CSMD3: variants seen among roughly 807,000 people sequenced by gnomAD.
The protein encoded by CSMD3 is CUB and Sushi multiple domains 3.
A neutral mutation model predicts 435.2 loss-of-function variants in CSMD3; 177 were observed. The observed-to-expected ratio is 0.41, with a 90% CI of 0.36 to 0.46. The LOEUF (loss-of-function observed/expected upper bound fraction) is 0.46. Among genes scored for constraint, CSMD3 ranks in the 20% least tolerant of loss-of-function variants. CSMD3 has a pLI of 0.34. For missense variants in CSMD3, 4,265 were observed against 4,504.6 expected, an observed-to-expected ratio of 0.95 and a Z score of 1.52; for synonymous variants, 1,656 against 1,520.5, an observed-to-expected ratio of 1.09 and a Z score of -2.07.
chr8:112,827,134 C>T (rs1405498928), intron 12 of CSMD3, among the ~76,000 whole-genome samples: 1 of 119,180 alleles, frequency 8.4e-6, no homozygotes, highest in Non-Finnish European at 1.6e-5. Flanking sequence ...ATTTTGACAT[C>T]TTTCTTCTGT....
chr8:113,097,865 G>A (rs973116108), intron 5 of CSMD3, among the ~76,000 whole-genome samples: 1 of 151,742 alleles, frequency 6.6e-6, no homozygotes, highest in Non-Finnish European at 1.5e-5. Context: ...TCACCCCCCA[G>A]TCCATTACAA....
chr8:112,355,692 G>C (rs1826528878), intron 38 of CSMD3, among the ~76,000 whole-genome samples: 1 of 152,062 alleles, frequency 6.6e-6, no homozygotes, highest in African/African-American at 2.4e-5. Context: ...AATTAGCCAG[G>C]CGTGGTGGCA....
chr8:112,798,187 A>G (rs1159556658), intron 13 of CSMD3, among the ~76,000 whole-genome samples: 1 of 151,932 alleles, frequency 6.6e-6, no homozygotes, highest in Non-Finnish European at 1.5e-5. Context: ...AATTAAAAAC[A>G]GTGATTCAGG....
chr8:113,374,696 A>T (rs2094367511), intron 1 of CSMD3, among the ~76,000 whole-genome samples: 2 of 151,952 alleles, frequency 1.3e-5, no homozygotes. Flanking sequence ...AGGGCATTTG[A>T]AAGCATTCCT....
intron 13 of CSMD3, among the ~76,000 whole-genome samples, chr8:112,744,836 C>T (rs926273043): frequency 1.3e-5 from 2 of 152,074 alleles, no homozygotes; most frequent in Non-Finnish European, 2.9e-5. Flanking sequence ...AGATGTGTTG[C>T]AGGTAACCTG....
intron 38 of CSMD3, among the ~76,000 whole-genome samples, chr8:112,354,077 T>C (rs1383446966): frequency 1.3e-5 from 2 of 152,062 alleles, no homozygotes; most frequent in African/African-American, 4.8e-5. Flanking sequence ...ACCATGTAAA[T>C]AGAATTAAAA....
intron 13 of CSMD3, among the ~76,000 whole-genome samples, chr8:112,765,320 G>C (rs1043727151): frequency 2.0e-5 from 3 of 151,554 alleles, no homozygotes; most frequent in Non-Finnish European, 4.4e-5. Flanking sequence ...ATTTGGATTT[G>C]AGAAATACGG....
At chr8:112,895,933 G>T (rs1242977827) in intron 10 of CSMD3, among the ~76,000 whole-genome samples, 2 of 151,332 alleles carry the variant, frequency 1.3e-5, no homozygotes, top group African/African-American at 4.8e-5. Context: ...TTGTTTGTTT[G>T]TTTTTTCCAA....
intron 7 of CSMD3, among the ~76,000 whole-genome samples, chr8:112,961,655 T>C (rs1037458097): frequency 6.6e-6 from 1 of 151,996 alleles, no homozygotes; most frequent in African/African-American, 2.4e-5. Flanking sequence ...ACTAATTTGT[T>C]AATTTTCATA....
Position 113,436,711 on chromosome 8 carries a change from G to T in CSMD3, c.144C>A (p.Asn48Lys). The T allele has an allele frequency of 6.2e-7, 1 of 1,614,156 alleles. No homozygotes were observed. Among genetic ancestry groups the T allele is most frequent in the Non-Finnish European group, 8.5e-7 (1 of 1,180,040 alleles). ...AAGACACCGTCAATAAAAAGACGAGGTTCCAAAACGTAAATCCACTTTTAA... is the reference window on the plus strand; with the variant it reads ...AAGACACCGTCAATAAAAAGACGAGTTTCCAAAACGTAAATCCACTTTTAA... Reference protein sequence around the residue: ...MGIKSGFTFWNLVFLLTVSCV... With the variant: ...MGIKSGFTFWKLVFLLTVSCV... The change falls in exon 1 of 71, where the codon AAC (asparagine) becomes AAA (lysine). Residue 48 changes from asparagine to lysine, a missense_variant. By Grantham distance (94) the Asn-to-Lys change is moderately conservative. Transcript: ENST00000297405.
At chr8:113,162,024 G>C (rs894033822) in intron 4 of CSMD3, among the ~76,000 whole-genome samples, 2 of 152,102 alleles carry the variant, frequency 1.3e-5, no homozygotes, top group African/African-American at 2.4e-5. Flanking sequence ...GGTCAAGAAA[G>C]TGTTTTATGA....
At position 112,254,299 on chromosome 8, in the gene CSMD3, G is replaced by A. The variant is rs2130258263; in HGVS notation, c.10064C>T (p.Pro3355Leu). Residue 3355 changes from proline to leucine, a missense_variant, in exon 63 of 71, where the codon CCA (proline) becomes CTA (leucine). Around this residue, in one of 3 missense-constraint regions of CSMD3, gnomAD observed 3,255 missense variants for 3,380.2 expected, o/e 0.96. Coordinates refer to ENST00000297405, the MANE Select transcript of CSMD3 (RefSeq NM_198123.2). Reference sequence around the variant, plus strand: ...CTGAGATCCATGCCGAGGCACACCTGGGTTTTCACAAGAGGTTTGGGTAGG... The same window carrying A: ...CTGAGATCCATGCCGAGGCACACCTAGGTTTTCACAAGAGGTTTGGGTAGG... ...IEPTQTSCEN[P>L]GVPRHGSQNN... The A allele has an allele frequency of 1.2e-6, 2 of 1,612,534 alleles. No homozygotes were observed. The highest frequency in any genetic ancestry group is 1.3e-5 in the African/African-American group (1 of 74,968).
At chr8:113,334,784 T>G (rs933809219) in intron 1 of CSMD3, among the ~76,000 whole-genome samples, 1 of 152,130 alleles carries the variant, frequency 6.6e-6, no homozygotes, top group Non-Finnish European at 1.5e-5. Context: ...ATCAGAGGAA[T>G]TGGCATATTT....
At chr8:112,547,599 C>T (rs1173676027) in intron 27 of CSMD3, among the ~76,000 whole-genome samples, 1 of 151,990 alleles carries the variant, frequency 6.6e-6, no homozygotes, top group East Asian at 1.9e-4. Context: ...ATTGCTACGC[C>T]TTTTATACTG....
intron 4 of CSMD3, among the ~76,000 whole-genome samples, chr8:113,114,597 G>C (rs1022182281): frequency 6.6e-6 from 1 of 152,052 alleles, no homozygotes; most frequent in East Asian, 1.9e-4. Flanking sequence ...ATTATGCATG[G>C]GTTAGTACAG....
chr8:112,285,970 C>T (rs1819156873), intron 58 of CSMD3, among the ~76,000 whole-genome samples: 1 of 152,036 alleles, frequency 6.6e-6, no homozygotes, highest in African/African-American at 2.4e-5. Context: ...GATCCTCCTG[C>T]CTCAGTGTCC....
chr8:113,431,991 C>G (rs577439315), intron 1 of CSMD3, among the ~76,000 whole-genome samples: 1 of 152,260 alleles, frequency 6.6e-6, no homozygotes, highest in Admixed American at 6.5e-5. Context: ...GAAGCCTTTG[C>G]TCCTGGAGTA....
Position 112,291,519 on chromosome 8 carries a change from C to G in CSMD3, c.8965G>C (p.Glu2989Gln), listed in dbSNP as rs1181624338. ...CACATTATCTACTTACTGATACATT[C>G]TGGTAAAGGTTTGTCCCATTGTCCA... ...PNGQWDKPLP[E>Q]CIMIDCGHPG... is the part of the protein sequence containing the mutation. Residue 2989 changes from glutamate (E) to glutamine (Q), a missense_variant, in exon 56 of 71, where the codon GAA becomes CAA. This residue lies in a region of CSMD3 where 3,255 missense variants were observed against 3,380.2 expected (regional missense o/e 0.96). Coordinates refer to ENST00000297405, the MANE Select transcript of CSMD3 (RefSeq NM_198123.2). 1 of 1,602,400 alleles carries G rather than the reference C, an allele frequency of 6.2e-7. No individual in the cohort carries two copies. The highest frequency in any genetic ancestry group is 1.7e-5 in the Admixed American group (1 of 59,750).
intron 1 of CSMD3, among the ~76,000 whole-genome samples, chr8:113,380,055 C>G (rs1395152918): frequency 6.6e-6 from 1 of 152,152 alleles, no homozygotes; most frequent in Non-Finnish European, 1.5e-5. Context: ...AACTTGCCCC[C>G]ATTTGCATAT....
Sources: gnomAD v4.1 joint callset for allele counts (sites outside exome capture counted in the v4.1 genomes callset) on GRCh38, gnomAD v4.1.1 for gene constraint, gnomAD v4.1.1 regional missense constraint, MANE v1.5 for transcripts, NCBI Gene and HGNC (gene_info 2026-07-23, HGNC 2026-07-21) for gene names.